The following LRMDA variants were observed in gnomAD, a reference collection of about 807,000 sequenced individuals.
LRMDA encodes leucine-rich melanocyte differentiation-associated protein.
LRMDA carries 18 observed loss-of-function variants against 29.8 expected under a neutral mutation model. The ratio of observed to expected loss-of-function variants is 0.60; its 90% CI spans 0.42 to 0.90. The LOEUF is 0.90. LRMDA is among the 40% of genes least tolerant of loss of function. The pLI is 0.00. For synonymous variants in LRMDA, 125 were observed against 109.4 expected (o/e 1.14, Z -0.89); for missense variants, 273 against 273.9 (o/e 1.00, Z 0.02).
chr10:76,400,305 C>A (rs1279330451), intron 6 of LRMDA, among the ~76,000 whole-genome samples: 1 of 152,206 alleles, frequency 6.6e-6, no homozygotes, highest in Non-Finnish European at 1.5e-5. Flanking sequence ...GACCCCAGCC[C>A]TGGTCTGTAC....
chr10:76,289,029 A>G (rs1266720589), intron 5 of LRMDA, among the ~76,000 whole-genome samples: 2 of 152,230 alleles, frequency 1.3e-5, no homozygotes, highest in Non-Finnish European at 2.9e-5. Flanking sequence ...CAATAATTTA[A>G]TGAATGAATA....
chr10:76,168,957 G>C (rs537879166), intron 5 of LRMDA, among the ~76,000 whole-genome samples: 3 of 152,176 alleles, frequency 2.0e-5, no homozygotes, highest in African/African-American at 7.2e-5. Flanking sequence ...GGTATCCACT[G>C]TATAGGTACT....
intron 6 of LRMDA, among the ~76,000 whole-genome samples, chr10:76,476,473 A>T (rs1462520178): frequency 1.3e-5 from 2 of 152,192 alleles, no homozygotes; most frequent in Non-Finnish European, 2.9e-5. Flanking sequence ...CCAGAGTTAC[A>T]AGGAGGAGCT....
chr10:75,447,957 A>G (rs1314071349), intron 2 of LRMDA, among the ~76,000 whole-genome samples: 4 of 152,152 alleles, frequency 2.6e-5, no homozygotes, highest in Non-Finnish European at 4.4e-5. Flanking sequence ...GTTTCAGGCC[A>G]ATGTGAGGGT....
At chr10:76,130,966 C>T (rs1193485149) in intron 5 of LRMDA, among the ~76,000 whole-genome samples, 1 of 152,138 alleles carries the variant, frequency 6.6e-6, no homozygotes, top group African/African-American at 2.4e-5. Flanking sequence ...CCTGGCCCCA[C>T]CTAGCCTATT....
At chr10:75,965,581 G>A (rs1846844601) in intron 2 of LRMDA, among the ~76,000 whole-genome samples, 1 of 152,060 alleles carries the variant, frequency 6.6e-6, no homozygotes, top group Non-Finnish European at 1.5e-5. Flanking sequence ...TGAATTTGAA[G>A]GCCACTGTGA....
intron 5 of LRMDA, among the ~76,000 whole-genome samples, chr10:76,175,932 A>G (rs966836753): frequency 6.6e-6 from 1 of 152,188 alleles, no homozygotes; most frequent in Non-Finnish European, 1.5e-5. Flanking sequence ...GAGAACAGAA[A>G]CAGGGCCACA....
chr10:76,146,557 C>G (rs1471230341), intron 5 of LRMDA, among the ~76,000 whole-genome samples: 1 of 152,084 alleles, frequency 6.6e-6, no homozygotes, highest in Non-Finnish European at 1.5e-5. Flanking sequence ...GATCTTCCTC[C>G]ATCCCTTTAT....
chr10:76,105,372 C>T (rs1011432054), intron 5 of LRMDA, among the ~76,000 whole-genome samples: 2 of 151,738 alleles, frequency 1.3e-5, no homozygotes, highest in African/African-American at 4.8e-5. Flanking sequence ...GCCTTCCACC[C>T]CAGAAGATAT....
At chr10:76,009,865 T>G (rs1481362366) in intron 2 of LRMDA, among the ~76,000 whole-genome samples, 1 of 140,184 alleles carries the variant, frequency 7.1e-6, no homozygotes, top group African/African-American at 2.7e-5. Context: ...CAGCCCCTCA[T>G]TTCATCTTCC....
intron 2 of LRMDA, among the ~76,000 whole-genome samples, chr10:75,986,769 A>G (rs181094218): frequency 1.2e-3 from 176 of 152,362 alleles, no homozygotes; most frequent in Non-Finnish European, 1.9e-3. Context: ...TGAGAGGTTT[A>G]TAACGCAGAT....
At chr10:75,456,158 G>A (rs1052211278) in intron 2 of LRMDA, among the ~76,000 whole-genome samples, 4 of 152,240 alleles carry the variant, frequency 2.6e-5, no homozygotes, top group African/African-American at 9.6e-5. Context: ...AGTTGCGGGG[G>A]AGACAAGCCA....
intron 2 of LRMDA, among the ~76,000 whole-genome samples, chr10:75,838,520 G>T (rs905283010): frequency 1.3e-5 from 2 of 152,138 alleles, no homozygotes; most frequent in Non-Finnish European, 2.9e-5. Context: ...CATGCCAGCT[G>T]ATTTGTGTGG....
At chr10:76,209,430 G>A (rs192393683) in intron 5 of LRMDA, among the ~76,000 whole-genome samples, 466 of 152,202 alleles carry the variant, frequency 3.1e-3, no homozygotes, top group South Asian at 0.011. Flanking sequence ...CTGGGCCTTC[G>A]TCTTCTGTTG....
At chr10:76,548,736 C>T (rs991319376) in intron 6 of LRMDA, among the ~76,000 whole-genome samples, 1 of 152,094 alleles carries the variant, frequency 6.6e-6, no homozygotes, top group Non-Finnish European at 1.5e-5. Flanking sequence ...TTACTACCCC[C>T]AATCCAAAAA....
intron 2 of LRMDA, among the ~76,000 whole-genome samples, chr10:75,534,446 A>ATTTTT (rs144540101): frequency 1.3e-5 from 2 of 151,292 alleles, no homozygotes; most frequent in Non-Finnish European, 3.0e-5. Flanking sequence ...GACTCTTAGA[A>ATTTTT]CTTTGCTTTC....
At chr10:75,867,536 G>T (rs943903960) in intron 2 of LRMDA, among the ~76,000 whole-genome samples, 3 of 152,186 alleles carry the variant, frequency 2.0e-5, no homozygotes, top group African/African-American at 7.2e-5. Context: ...TGTAGACACA[G>T]TAGGGAAGGG....
chr10:75,933,379 C>T (rs1846235774), intron 2 of LRMDA, among the ~76,000 whole-genome samples: 1 of 152,162 alleles, frequency 6.6e-6, no homozygotes, highest in Non-Finnish European at 1.5e-5. Flanking sequence ...ATCCCTACAC[C>T]TATGTTTGGA....
chr10:76,411,011 A>G (rs1236671147), intron 6 of LRMDA, among the ~76,000 whole-genome samples: 3 of 152,202 alleles, frequency 2.0e-5, no homozygotes, highest in Admixed American at 6.5e-5. Context: ...CAGGGAGACC[A>G]TAGAGGGGGT....
Sources: gnomAD v4.1 joint callset for allele counts (sites outside exome capture counted in the v4.1 genomes callset) on GRCh38, gnomAD v4.1.1 for gene constraint, MANE v1.5 for transcripts, NCBI Gene and HGNC (gene_info 2026-07-23, HGNC 2026-07-21) for gene names.